KCND2: variants seen among roughly 807,000 people sequenced by gnomAD.
The protein encoded by KCND2 is A-type voltage-gated potassium channel KCND2.
A neutral mutation model predicts 54.4 loss-of-function variants in KCND2; 16 were observed. The observed-to-expected ratio is 0.29, with a 90% confidence interval of 0.20 to 0.45. KCND2 has a LOEUF of 0.45. KCND2 is among the 20% of genes least tolerant of loss of function. KCND2 has a pLI of 1.00. For missense variants in KCND2, 486 were observed against 824.2 expected (o/e 0.59, Z 5.02); for synonymous variants, 317 against 310.7 (o/e 1.02, Z -0.21).
intron 1 of KCND2, among the ~76,000 whole-genome samples, chr7:120,380,867 T>C (rs974712809): frequency 6.6e-6 from 1 of 152,132 alleles, no homozygotes; most frequent in East Asian, 1.9e-4. Flanking sequence ...AAAATTGTTT[T>C]AGATGCATTT....
chr7:120,399,325 T>G lies in KCND2; in HGVS notation c.1115+123578T>G, dbSNP rs181868503. 1.7e-3 allele frequency among the ~76,000 whole-genome samples: 253 copies of G among 152,050 alleles called. 1 individual carries two copies. Among genetic ancestry groups the G allele is most frequent in the Non-Finnish European group, 3.1e-3 (209 of 67,982 alleles). ...GGGATCAGACTCTGTCATCAGAGTTTATGGTGTATTCATGGTTCTTACATT... is the reference window on the plus strand; with the variant it reads ...GGGATCAGACTCTGTCATCAGAGTTGATGGTGTATTCATGGTTCTTACATT... On this transcript the variant is annotated intron_variant, in intron 1 of 5. Coordinates refer to ENST00000331113, the MANE Select transcript of KCND2 (RefSeq NM_012281.3).
chr7:120,277,478 ATAGG>A (rs1799194505), intron 1 of KCND2, among the ~76,000 whole-genome samples: 1 of 152,040 alleles, frequency 6.6e-6, no homozygotes, highest in African/African-American at 2.4e-5. Context: ...TTCTGTTTTA[ATAGG>A]AAGGGAGAAC....
At chr7:120,524,544 T>C (rs1343657869) in intron 1 of KCND2, among the ~76,000 whole-genome samples, 1 of 152,228 alleles carries the variant, frequency 6.6e-6, no homozygotes, top group African/African-American at 2.4e-5. Context: ...CCATTGTAAC[T>C]ATTGTGCTTT....
chr7:120,329,829 G>T (rs1212602648), intron 1 of KCND2, among the ~76,000 whole-genome samples: 1 of 152,168 alleles, frequency 6.6e-6, no homozygotes, highest in Admixed American at 6.5e-5. Flanking sequence ...TTTAAAGAGT[G>T]CAGTGAATTT....
At chr7:120,484,355 G>A (rs1019648283) in intron 1 of KCND2, among the ~76,000 whole-genome samples, 7 of 152,082 alleles carry the variant, frequency 4.6e-5, no homozygotes, top group Non-Finnish European at 1.0e-4. Flanking sequence ...GGGTGCCACT[G>A]TGCTGCTCAG....
At chr7:120,667,449 A>T (rs1791941187) in intron 1 of KCND2, among the ~76,000 whole-genome samples, 1 of 152,038 alleles carries the variant, frequency 6.6e-6, no homozygotes. Flanking sequence ...TAACTACAGT[A>T]ATAAAAGAAA....
chr7:120,335,780 C>A (rs539116745), intron 1 of KCND2, among the ~76,000 whole-genome samples: 1 of 152,230 alleles, frequency 6.6e-6, no homozygotes, highest in South Asian at 2.1e-4. Flanking sequence ...CCACCGCGCC[C>A]GGCTGGCTTT....
intron 1 of KCND2, among the ~76,000 whole-genome samples, chr7:120,418,371 A>G (rs572924489): frequency 2.0e-5 from 3 of 152,338 alleles, no homozygotes; most frequent in East Asian, 1.9e-4. Context: ...GCAAGAAAAC[A>G]TAAGAAGAAA....
At chr7:120,684,985 T>C (rs1321552013) in intron 1 of KCND2, among the ~76,000 whole-genome samples, 1 of 152,196 alleles carries the variant, frequency 6.6e-6, no homozygotes, top group Non-Finnish European at 1.5e-5. Context: ...TGTATAATTA[T>C]TTCATTATAT....
intron 1 of KCND2, among the ~76,000 whole-genome samples, chr7:120,318,084 TA>T (rs1264031632): frequency 6.6e-6 from 1 of 152,172 alleles, no homozygotes; most frequent in Non-Finnish European, 1.5e-5. Flanking sequence ...AAAAGAATTT[TA>T]GAGTAAATCT....
In KCND2 at chr7:120,682,227, T is replaced by A. The variant is rs1280646469; in HGVS notation, c.1116-50676T>A. Among the ~76,000 whole-genome samples, 6 of 152,046 alleles carry A rather than the reference T, an allele frequency of 3.9e-5. No individual in the cohort carries two copies. The East Asian group carries it at 1.2e-3, about 29-fold the overall frequency. On this transcript the variant is annotated intron_variant, in intron 1 of 5. Transcript: ENST00000331113. ...TATGTTTTCTCTAAGTGCAGCTTGTTTTCATTACATAAGTTATTTCTCTCA... is the reference window on the plus strand; with the variant it reads ...TATGTTTTCTCTAAGTGCAGCTTGTATTCATTACATAAGTTATTTCTCTCA...
chr7:120,476,520 G>T (rs1312867567), intron 1 of KCND2, among the ~76,000 whole-genome samples: 2 of 152,146 alleles, frequency 1.3e-5, no homozygotes, highest in Non-Finnish European at 2.9e-5. Flanking sequence ...GCGCTAACTA[G>T]CCACACTAGT....
chr7:120,732,102 T>C (rs1375291990), intron 1 of KCND2, among the ~76,000 whole-genome samples: 3 of 152,064 alleles, frequency 2.0e-5, no homozygotes, highest in Non-Finnish European at 4.4e-5. Flanking sequence ...ATCAGCTGCA[T>C]AGAGATAGTT....
chr7:120,314,562 C>A (rs111872641), intron 1 of KCND2, among the ~76,000 whole-genome samples: 23 of 152,048 alleles, frequency 1.5e-4, no homozygotes, highest in Non-Finnish European at 3.4e-4. Flanking sequence ...AATTATAAAT[C>A]ATATTTTATG....
rs57015988 is a variant in KCND2 at position 120,561,598 on chromosome 7, ATTTTTTTTTTTTTTTT to A, written c.1116-171290_1116-171275del. Among the ~76,000 whole-genome samples, 5 of 47,334 alleles carry A rather than the reference ATTTTTTTTTTTTTTTT, an allele frequency of 1.1e-4. 1 individual carries two copies. In the East Asian group the frequency reaches 2.2e-3, roughly 21 times the overall value. The allele number at this position is 47,334 out of a possible 152,430, so 31.1% of individuals were successfully genotyped here. A position where few individuals can be genotyped will look rare whatever the true frequency, so the allele number is the denominator to read the frequency against. ...ACATTCTTAAACATTAAGCTACCTGATTTTTTTTTTTTTTTTTTTTTTTTTTTTTTGAGATGGAGTT... is the reference window on the plus strand; with the variant it reads ...ACATTCTTAAACATTAAGCTACCTGATTTTTTTTTTTTTTGAGATGGAGTT... On this transcript the variant is annotated intron_variant, in intron 1 of 5. Transcript: ENST00000331113.
chr7:120,318,761 A>G (rs1799850470), intron 1 of KCND2, among the ~76,000 whole-genome samples: 1 of 152,084 alleles, frequency 6.6e-6, no homozygotes, highest in Non-Finnish European at 1.5e-5. Context: ...ATATAAACAA[A>G]TGAAGTTCAT....
intron 1 of KCND2, among the ~76,000 whole-genome samples, chr7:120,476,559 A>T (rs1453579666): frequency 6.6e-6 from 1 of 152,192 alleles, no homozygotes; most frequent in African/African-American, 2.4e-5. Context: ...CTCTAAGTCA[A>T]TTAAGACATT....
At chr7:120,611,555 G>C (rs1215161850) in intron 1 of KCND2, among the ~76,000 whole-genome samples, 3 of 152,090 alleles carry the variant, frequency 2.0e-5, no homozygotes, top group Non-Finnish European at 2.9e-5. Flanking sequence ...GAAGAAAATG[G>C]TTCTTAAAAC....
At chr7:120,470,403 A>G (rs1295393753) in intron 1 of KCND2, among the ~76,000 whole-genome samples, 1 of 152,136 alleles carries the variant, frequency 6.6e-6, no homozygotes, top group African/African-American at 2.4e-5. Context: ...AAGCACTTTA[A>G]CATAGTGTGC....
Sources: allele counts gnomAD v4.1 joint callset (sites outside exome capture counted in the v4.1 genomes callset), GRCh38; gene constraint gnomAD v4.1.1; transcripts MANE v1.5; gene names NCBI Gene and HGNC (gene_info 2026-07-23, HGNC 2026-07-21).